Variants in RERG observed in about 807,000 individuals in gnomAD.
The protein encoded by RERG is ras-related and estrogen-regulated growth inhibitor.
RERG carries 25 observed loss-of-function variants against 23.2 expected under a neutral mutation model. That is an observed-to-expected ratio of 1.08 (90% CI 0.79 to 1.50). RERG has a LOEUF of 1.50. RERG is among the 40% of genes most tolerant of loss of function. The probability of loss-of-function intolerance (pLI) is 0.00; values close to 1 mark genes in which losing one functional copy is unlikely to be tolerated. For missense variants in RERG, 253 were observed against 250.1 expected, an observed-to-expected ratio of 1.01 and a Z score of -0.08; for synonymous variants, 81 against 89.1, an observed-to-expected ratio of 0.91 and a Z score of 0.51.
intron 2 of RERG, among the ~76,000 whole-genome samples, chr12:15,179,856 G>T (rs1864900919): frequency 6.6e-6 from 1 of 152,122 alleles, no homozygotes; most frequent in Non-Finnish European, 1.5e-5. Flanking sequence ...CTGCACAATG[G>T]GAGCTTCAAA....
intron 4 of RERG, among the ~76,000 whole-genome samples, chr12:15,110,467 T>TTTTATTTTTTA (rs2136081839): frequency 1.5e-5 from 1 of 67,960 alleles, no homozygotes; most frequent in African/African-American, 5.3e-5. Flanking sequence ...TTTTTTCTTT[T>TTTTATTTTTTA]TTTTTTTTTT....
At chr12:15,185,300 G>A (rs1173963853) in intron 2 of RERG, among the ~76,000 whole-genome samples, 1 of 152,018 alleles carries the variant, frequency 6.6e-6, no homozygotes, top group Non-Finnish European at 1.5e-5. Context: ...CTTAACCGTG[G>A]CCTAGACATC....
At chr12:15,160,635 C>T (rs149312904) in intron 2 of RERG, among the ~76,000 whole-genome samples, 3 of 152,242 alleles carry the variant, frequency 2.0e-5, no homozygotes, top group Non-Finnish European at 4.4e-5. Flanking sequence ...AAATACTTTG[C>T]ATATGAAAAA....
chr12:15,167,977 C>T (rs1186039791), intron 2 of RERG, among the ~76,000 whole-genome samples: 1 of 152,082 alleles, frequency 6.6e-6, no homozygotes, highest in Non-Finnish European at 1.5e-5. Flanking sequence ...CAACTGTACA[C>T]CTCAGTTTTT....
chr12:15,125,877 C>T (rs1450310079), intron 2 of RERG, among the ~76,000 whole-genome samples: 1 of 151,614 alleles, frequency 6.6e-6, no homozygotes, highest in East Asian at 1.9e-4. Context: ...CTTTACTCTT[C>T]ACTTCCTTAT....
chr12:15,164,797 C>A (rs1864663534), intron 2 of RERG, among the ~76,000 whole-genome samples: 1 of 152,146 alleles, frequency 6.6e-6, no homozygotes, highest in Non-Finnish European at 1.5e-5. Flanking sequence ...ACAAAATAGT[C>A]AAAGGTGTAT....
intron 2 of RERG, among the ~76,000 whole-genome samples, chr12:15,142,836 T>C (rs1329968366): frequency 1.3e-5 from 2 of 152,188 alleles, no homozygotes; most frequent in African/African-American, 2.4e-5. Flanking sequence ...TCATCTGTTA[T>C]ATTCTCACTT....
At chr12:15,163,909 C>T (rs1022328385) in intron 2 of RERG, among the ~76,000 whole-genome samples, 12 of 151,852 alleles carry the variant, frequency 7.9e-5, no homozygotes, top group South Asian at 2.1e-4. Context: ...AGGGGTAGGG[C>T]GGAGAGAGAG....
rs1441376473 is a variant in RERG, at chr12:15,211,286, C to T, written c.61+6143G>A. Among the ~76,000 whole-genome samples the T allele has an allele frequency of 6.7e-5, 3 of 44,680 alleles. No individual in the cohort carries two copies. In the Admixed American group the frequency reaches 8.5e-4, roughly 13 times the overall value. The allele number at this position is 44,680 out of a possible 152,430, so 29.3% of individuals were successfully genotyped here. A position where few individuals can be genotyped will look rare whatever the true frequency, so the allele number is the denominator to read the frequency against. On this transcript the variant is annotated intron_variant, in intron 2 of 4. Coordinates refer to ENST00000256953, the MANE Select transcript of RERG (RefSeq NM_032918.3). Reference sequence around the variant, plus strand: ...ATGGATTTTAGAATGTCATTTTATACACACACACACACACACACACACACA... The same window carrying T: ...ATGGATTTTAGAATGTCATTTTATATACACACACACACACACACACACACA...
At chr12:15,128,419 A>T (rs897756802) in intron 2 of RERG, among the ~76,000 whole-genome samples, 20 of 126,804 alleles carry the variant, frequency 1.6e-4, no homozygotes, top group African/African-American at 6.0e-4. Context: ...TTAACAATAA[A>T]AATTAGCATA....
At chr12:15,144,092 GA>G (rs1045876307) in intron 2 of RERG, among the ~76,000 whole-genome samples, 6 of 152,110 alleles carry the variant, frequency 3.9e-5, no homozygotes, top group African/African-American at 1.4e-4. Context: ...AGTATGAGAG[GA>G]AAAGAGGAGT....
chr12:15,147,047 TA>T (rs1027927639), intron 2 of RERG, among the ~76,000 whole-genome samples: 3 of 148,770 alleles, frequency 2.0e-5, no homozygotes, highest in Non-Finnish European at 4.4e-5. Flanking sequence ...GTCCAGCTTC[TA>T]AATCTAATTC....
rs73306742 is a variant in RERG at position 15,170,981 on chromosome 12, T to C, written c.61+46448A>G. On this transcript the variant is annotated intron_variant, in intron 2 of 4. Coordinates refer to ENST00000256953, the MANE Select transcript of RERG (RefSeq NM_032918.3). The stretch of plus-strand genomic sequence containing the variant: ...AAATCCCAGGTATCTACAGAGGTTA[T>C]TGTTCTCTTTGATTTACCAATAGGG... Among the ~76,000 whole-genome samples, 865 of 152,332 alleles carry C rather than the reference T, an allele frequency of 5.7e-3. 8 individuals carry two copies. The highest frequency in any genetic ancestry group is 0.02 in the African/African-American group (817 of 41,580).
At chr12:15,172,297 A>G (rs1864788206) in intron 2 of RERG, among the ~76,000 whole-genome samples, 1 of 152,186 alleles carries the variant, frequency 6.6e-6, no homozygotes, top group Non-Finnish European at 1.5e-5. Context: ...TCCATGTTAT[A>G]GCATGTTTGA....
intron 2 of RERG, among the ~76,000 whole-genome samples, chr12:15,182,513 A>G (rs1277508051): frequency 6.6e-6 from 1 of 152,198 alleles, no homozygotes; most frequent in African/African-American, 2.4e-5. Context: ...ATATTGACTC[A>G]AAGATATAAT....
At position 15,148,887 on chromosome 12, in the gene RERG, T is replaced by TTTTTTTTTTTTTTTTTTTTTTTG. The variant is rs1156302513; in HGVS notation, c.62-27769_62-27768insCAAAAAAAAAAAAAAAAAAAAAA. 4.3e-5 allele frequency among the ~76,000 whole-genome samples: 3 copies of TTTTTTTTTTTTTTTTTTTTTTTG among 69,474 alleles called. 1 individual carries two copies. The highest frequency in any genetic ancestry group is 9.2e-5 in the Non-Finnish European group (3 of 32,654). 45.6% of individuals were successfully genotyped at this position (69,474 alleles called of 152,430 possible). ...TTTTTTTTTTTTTTTTTTTTTTTTT[T>TTTTTTTTTTTTTTTTTTTTTTTG]AGACAGAGTCTAGCTCTGTCACCCA... On this transcript the variant is annotated intron_variant, in intron 2 of 4. Coordinates refer to ENST00000256953, the MANE Select transcript of RERG (RefSeq NM_032918.3).
intron 2 of RERG, among the ~76,000 whole-genome samples, chr12:15,172,132 C>G (rs1325156978): frequency 2.0e-5 from 3 of 152,094 alleles, no homozygotes; most frequent in African/African-American, 7.2e-5. Context: ...GCAGTCAATT[C>G]TCACTCCACG....
chr12:15,152,456 A>G (rs547322395), intron 2 of RERG, among the ~76,000 whole-genome samples: 2 of 152,174 alleles, frequency 1.3e-5, no homozygotes, highest in South Asian at 4.2e-4. Context: ...TATGGAAAAA[A>G]CTCTTGTTTT....
chr12:15,142,011 A>G (rs1462661017), intron 2 of RERG, among the ~76,000 whole-genome samples: 1 of 152,178 alleles, frequency 6.6e-6, no homozygotes, highest in Non-Finnish European at 1.5e-5. Context: ...TTAACATTTT[A>G]CTATTAGTTT....
Sources: gnomAD v4.1 joint callset for allele counts (sites outside exome capture counted in the v4.1 genomes callset) on GRCh38, gnomAD v4.1.1 for gene constraint, MANE v1.5 for transcripts, NCBI Gene and HGNC (gene_info 2026-07-23, HGNC 2026-07-21) for gene names.